ESS2: variants seen among roughly 807,000 people sequenced by gnomAD.
The protein encoded by ESS2 is splicing factor ESS-2 homolog.
A neutral mutation model predicts 52.0 loss-of-function variants in ESS2; 31 were observed. That is an observed-to-expected ratio of 0.60 (90% CI 0.45 to 0.81). ESS2 has a LOEUF of 0.81. Among genes scored for constraint, ESS2 ranks in the 30% least tolerant of loss-of-function variants. ESS2 has a pLI of 0.00. For synonymous variants in ESS2, 285 were observed against 259.2 expected (o/e 1.10, Z -0.95); for missense variants, 602 against 637.2 (o/e 0.94, Z 0.59).
chr22:19,138,349 G>A, intron 6 of ESS2, 32 bp from the exon 7 acceptor site: 1 of 1,600,176 alleles, frequency 6.2e-7, no homozygotes, highest in South Asian at 1.1e-5. Flanking sequence ...GCATCAGGGG[G>A]ACCGCAGCCC....
rs374546658 is a variant in ESS2, at chr22:19,131,406, G to A, written c.*2790C>T. ...GCCAGTCGCTCCTGGCACCATGGAC[G>A]ATGCCACAGTCCTAAGGAAGAAGGG... On this transcript the variant is annotated 3_prime_UTR_variant, in exon 10 of 10. Transcript: ENST00000252137. The surrounding 1 kb of genome is among the most constrained non-coding windows in gnomAD (Gnocchi z 5.7). 8 of 1,597,222 alleles carry A rather than the reference G, an allele frequency of 5.0e-6. No individual in the cohort carries two copies. The highest frequency in any genetic ancestry group is 4.3e-6 in the Non-Finnish European group (5 of 1,170,118).
In ESS2 at chr22:19,134,367, T is replaced by C. The variant is rs1432602453; in HGVS notation, c.1260A>G (p.Pro420=). ...TDRALRASYT[P]SPARSTHLKT... The stretch of plus-strand genomic sequence containing the variant: ...TGAGGTGGGTGGAGCGTGCTGGGGA[T>C]GGTGTGTAGCTGGCCCGCAGGGCCC... Residue 420 remains proline (P), a synonymous_variant, in exon 10 of 10, where the codon CCA becomes CCG. Transcript: ENST00000252137. 2 of 1,611,828 alleles carry C rather than the reference T, an allele frequency of 1.2e-6. No homozygotes were observed. Among genetic ancestry groups the C allele is most frequent in the African/African-American group, 1.3e-5 (1 of 74,870 alleles).
At chr22:19,138,511 C>A in intron 6 of ESS2, 194 bp from the exon 7 acceptor site, 1 of 706,644 alleles carries the variant, frequency 1.4e-6, no homozygotes, top group Admixed American at 2.1e-5. Context: ...CCTTGAGGGC[C>A]TGTCAAAGTG....
At chr22:19,139,536 G>T (rs1273080400) in intron 5 of ESS2, 76 bp downstream of exon 5, 2 of 1,444,010 alleles carry the variant, frequency 1.4e-6, no homozygotes, top group African/African-American at 2.8e-5. Flanking sequence ...ACACCTGGAA[G>T]GCTGCTCCAA....
At chr22:19,136,756 C>G (rs1162037445) in intron 8 of ESS2, among the ~76,000 whole-genome samples, 2 of 152,094 alleles carry the variant, frequency 1.3e-5, no homozygotes, top group Non-Finnish European at 2.9e-5. Flanking sequence ...CCAAGGTAAC[C>G]AGAACCTCTC....
chr22:19,130,652 C>A lies in ESS2; in HGVS notation c.*3544G>T. On this transcript the variant is annotated 3_prime_UTR_variant, in exon 10 of 10. Coordinates refer to ENST00000252137, the MANE Select transcript of ESS2 (RefSeq NM_022719.3). ...CCCTTAACTTGTCTTCAGATTTTGT[C>A]GACCCGAGATGGGTCCTGGCACTAG... is the stretch of plus-strand genomic sequence containing the variant. 2 of 312,124 alleles carry A rather than the reference C, an allele frequency of 6.4e-6. No individual in the cohort carries two copies. The highest frequency in any genetic ancestry group is 2.9e-5 in the South Asian group (1 of 34,248). 19.3% of individuals were successfully genotyped at this position (312,124 alleles called of 1,614,324 possible).
rs2146088434 is a variant in ESS2 at position 19,134,082 on chromosome 22, G to A, written c.*114C>T. 1 of 1,269,500 alleles carries A rather than the reference G, an allele frequency of 7.9e-7. No homozygotes were observed. The highest frequency in any genetic ancestry group is 1.0e-6 in the Non-Finnish European group (1 of 979,978). 78.6% of individuals were successfully genotyped at this position (1,269,500 alleles called of 1,614,324 possible). ...CCCTTTCTCCAGTGACTCCTGGTATGGTCAACAGCTTCTGGCCCAGGCCTG... is the reference window on the plus strand; with the variant it reads ...CCCTTTCTCCAGTGACTCCTGGTATAGTCAACAGCTTCTGGCCCAGGCCTG... On this transcript the variant is annotated 3_prime_UTR_variant, in exon 10 of 10. Coordinates refer to ENST00000252137, the MANE Select transcript of ESS2 (RefSeq NM_022719.3).
At chr22:19,136,887 G>A (rs1054417854) in intron 8 of ESS2, among the ~76,000 whole-genome samples, 1 of 152,076 alleles carries the variant, frequency 6.6e-6, no homozygotes, top group Non-Finnish European at 1.5e-5. Flanking sequence ...GGTCTGTGCC[G>A]GGCCTCACAC....
At chr22:19,137,662 G>A (rs1370160797) in intron 7 of ESS2, 3 of 888,742 alleles carry the variant, frequency 3.4e-6, no homozygotes, top group Non-Finnish European at 4.0e-6. Context: ...CATGTGCTTA[G>A]CCTACAAGCC....
chr22:19,139,302 G>A lies in ESS2; in HGVS notation c.689-10C>T, dbSNP rs373252710. The stretch of plus-strand genomic sequence containing the variant: ...TCCTCGTCAGGGACACCTGGCAGAC[G>A]AAGCAAAGGTAGCAGCAGGTGTCAG... On this transcript the variant is annotated splice_polypyrimidine_tract_variant and intron_variant, in intron 5 of 9. Coordinates refer to ENST00000252137, the MANE Select transcript of ESS2 (RefSeq NM_022719.3). 123 of 1,578,470 alleles carry A rather than the reference G, an allele frequency of 7.8e-5. 1 individual carries two copies. The highest frequency in any genetic ancestry group is 9.8e-5 in the Non-Finnish European group (114 of 1,160,866).
intron 3 of ESS2, 86 bp downstream of exon 3, chr22:19,142,450 GCC>G: frequency 8.2e-7 from 1 of 1,212,658 alleles, no homozygotes; most frequent in Non-Finnish European, 1.2e-6. Context: ...GTGGCCTGCA[GCC>G]CTCTGGACCA....
chr22:19,131,722 T>C lies in ESS2; in HGVS notation c.*2474A>G. Reference sequence around the variant, plus strand: ...GAGTTCATCAAGTGCCAGGGAGCCCTGCATGAGGACGTGGCACGCAAGATG... The same window carrying C: ...GAGTTCATCAAGTGCCAGGGAGCCCCGCATGAGGACGTGGCACGCAAGATG... On this transcript the variant is annotated 3_prime_UTR_variant, in exon 10 of 10. Transcript: ENST00000252137. The surrounding 1 kb of genome is among the most constrained non-coding windows in gnomAD (Gnocchi z 5.7). 1 of 1,614,044 alleles carries C rather than the reference T, an allele frequency of 6.2e-7. No homozygotes were observed. Among genetic ancestry groups the C allele is most frequent in the Non-Finnish European group, 8.5e-7 (1 of 1,179,962 alleles).
In ESS2 at chr22:19,137,408, GTCA is replaced by G. The variant is rs1297939902; in HGVS notation, c.947_949del (p.Met316del). On this transcript the variant is annotated inframe_deletion, in exon 8 of 10. Transcript: ENST00000252137. Reference sequence around the variant, plus strand: ...GGGTGTGTTCTCAACCTCCCCCCAGGTCATCATCGGGGACTCGTTCACACCTGC... The same window carrying G: ...GGGTGTGTTCTCAACCTCCCCCCAGGTCATCGGGGACTCGTTCACACCTGC... The G allele has an allele frequency of 3.1e-6, 5 of 1,613,238 alleles. No homozygotes were observed. The highest frequency in any genetic ancestry group is 4.2e-6 in the Non-Finnish European group (5 of 1,179,652).
rs528388321 is a variant in ESS2, at chr22:19,132,776, G to A, written c.*1420C>T. On this transcript the variant is annotated 3_prime_UTR_variant, in exon 10 of 10. Transcript: ENST00000252137. This position sits in a 1 kb window ranked among gnomAD's most constrained non-coding sequence, Gnocchi z 4.2. ...CCCCACCTGACACACAGTGGTCTCC[G>A]GCCTAGGAGCACAGGACAGATGCTC... The A allele has an allele frequency of 4.1e-5, 16 of 392,514 alleles. No individual in the cohort carries two copies. Among genetic ancestry groups the A allele is most frequent in the South Asian group, 2.1e-4 (8 of 38,064 alleles). 24.3% of individuals were successfully genotyped at this position (392,514 alleles called of 1,614,324 possible). A position where few individuals can be genotyped will look rare whatever the true frequency, so the allele number is the denominator to read the frequency against.
At chr22:19,139,771 G>C in intron 4 of ESS2, 42 bp from the exon 5 acceptor site, 6 of 1,613,898 alleles carry the variant, frequency 3.7e-6, no homozygotes, top group Non-Finnish European at 5.1e-6. Flanking sequence ...AGATGCCCCT[G>C]GGCATTGTAC....
At chr22:19,137,566 G>A in intron 7 of ESS2, 134 bp from the exon 8 acceptor site, 1 of 931,298 alleles carries the variant, frequency 1.1e-6, no homozygotes, top group Non-Finnish European at 1.6e-6. Flanking sequence ...TCCTTCCCCA[G>A]GACTCTGGAA....
At position 19,134,494 on chromosome 22, in the gene ESS2, TGA is replaced by T. The variant is rs1437552371; in HGVS notation, c.1152-21_1152-20del. The T allele has an allele frequency of 2.0e-6, 3 of 1,513,370 alleles. No individual in the cohort carries two copies. Among genetic ancestry groups the T allele is most frequent in the Non-Finnish European group, 2.7e-6 (3 of 1,130,476 alleles). 93.7% of individuals were successfully genotyped at this position (1,513,370 alleles called of 1,614,324 possible). A position where few individuals can be genotyped will look rare whatever the true frequency, so the allele number is the denominator to read the frequency against. The stretch of plus-strand genomic sequence containing the variant: ...GGTGAGGCTGGGGTGGAGGAATGGG[TGA>T]GAGAGGCAGGGTTAGGTGGGCTGAG... On this transcript the variant is annotated intron_variant, in intron 9 of 9. Coordinates refer to ENST00000252137, the MANE Select transcript of ESS2 (RefSeq NM_022719.3).
intron 5 of ESS2, 76 bp downstream of exon 5, chr22:19,139,536 G>A (rs1273080400): frequency 6.9e-6 from 10 of 1,444,010 alleles, no homozygotes; most frequent in Non-Finnish European, 8.8e-6. Flanking sequence ...ACACCTGGAA[G>A]GCTGCTCCAA....
chr22:19,142,421 G>C lies in ESS2; in HGVS notation c.400+117C>G, dbSNP rs780274628. 37 of 899,238 alleles carry C rather than the reference G, an allele frequency of 4.1e-5. 1 individual carries two copies. The highest frequency in any genetic ancestry group is 1.0e-4 in the Admixed American group (4 of 39,618). 55.7% of individuals were successfully genotyped at this position (899,238 alleles called of 1,614,324 possible). A position where few individuals can be genotyped will look rare whatever the true frequency, so the allele number is the denominator to read the frequency against. On this transcript the variant is annotated intron_variant, in intron 3 of 9. Coordinates refer to ENST00000252137, the MANE Select transcript of ESS2 (RefSeq NM_022719.3). ...ACTTCACAGGCTGCTATTTACGCAAGACCCCTCAGGAACAAGATGTGGCCT... is the reference window on the plus strand; with the variant it reads ...ACTTCACAGGCTGCTATTTACGCAACACCCCTCAGGAACAAGATGTGGCCT...
Sources: allele counts gnomAD v4.1 joint callset (sites outside exome capture counted in the v4.1 genomes callset), GRCh38; gene constraint gnomAD v4.1.1; non-coding constraint Gnocchi (gnomAD v3.1); transcripts MANE v1.5; gene names NCBI Gene and HGNC (gene_info 2026-07-23, HGNC 2026-07-21).